SPINK1: variants seen among roughly 807,000 people sequenced by gnomAD.
The protein encoded by SPINK1 is serine peptidase inhibitor Kazal type 1, also known as serine protease inhibitor Kazal-type 1.
A neutral mutation model predicts 9.5 loss-of-function variants in SPINK1; 5 were observed. That is an observed-to-expected ratio of 0.52 (90% CI 0.27 to 1.10). The LOEUF (loss-of-function observed/expected upper bound fraction) is 1.10. Among genes scored for constraint, SPINK1 ranks in the 50% least tolerant of loss-of-function variants. The probability of loss-of-function intolerance (pLI) is 0.11; values close to 1 mark genes in which losing one functional copy is unlikely to be tolerated. For synonymous variants in SPINK1, 37 were observed against 32.3 expected (o/e 1.14, Z -0.49); for missense variants, 88 against 92.7 (o/e 0.95, Z 0.21).
At chr5:147,831,789 G>GAGCC (rs1756514010), upstream of SPINK1, 1 of 1,414,260 alleles carries the variant, frequency 7.1e-7, no homozygotes, top group African/African-American at 1.4e-5. Flanking sequence ...AAGGTGAAAG[G>GAGCC]AGCCAGGTGG....
At chr5:147,831,438 C>T (rs1756505866) in intron 1 of SPINK1, 85 bp downstream of exon 1, 3 of 1,533,870 alleles carry the variant, frequency 2.0e-6, no homozygotes, top group Non-Finnish European at 2.7e-6. Flanking sequence ...GACTAGACTA[C>T]ATCAAAAGTC....
chr5:147,836,851 A>G, the SPINK1 span, among the ~76,000 whole-genome samples: 2 of 152,156 alleles, frequency 1.3e-5, no homozygotes, highest in African/African-American at 2.4e-5. Context: ...TAGAACAGAA[A>G]CAGATGACAC....
chr5:147,838,905 C>T, the SPINK1 span, among the ~76,000 whole-genome samples: 1 of 152,086 alleles, frequency 6.6e-6, no homozygotes, highest in South Asian at 2.1e-4. Context: ...ATCTCATGGT[C>T]CTGAAGAGGG....
the SPINK1 span, among the ~76,000 whole-genome samples, chr5:147,838,236 G>GA: frequency 1.3e-5 from 2 of 152,156 alleles, no homozygotes; most frequent in African/African-American, 4.8e-5. Flanking sequence ...TTTACTGGAA[G>GA]AAAAAACAAA....
chr5:147,838,501 T>C, the SPINK1 span, among the ~76,000 whole-genome samples: 2 of 152,202 alleles, frequency 1.3e-5, no homozygotes, highest in Non-Finnish European at 2.9e-5. Flanking sequence ...CCAATTCATA[T>C]GATCTTTTTT....
chr5:147,825,566 C>T (rs566062217), intron 3 of SPINK1, among the ~76,000 whole-genome samples: 2 of 152,038 alleles, frequency 1.3e-5, no homozygotes, highest in South Asian at 4.2e-4. Flanking sequence ...CTCAGCCTCC[C>T]AAGTAGCTGG....
chr5:147,826,125 G>A (rs371475682), intron 3 of SPINK1, among the ~76,000 whole-genome samples: 1 of 152,108 alleles, frequency 6.6e-6, no homozygotes, highest in Admixed American at 6.5e-5. Context: ...TCCCTTTGAA[G>A]ACGTAGAAGG....
At chr5:147,829,966 C>T (rs1756480961) in intron 1 of SPINK1, among the ~76,000 whole-genome samples, 1 of 152,176 alleles carries the variant, frequency 6.6e-6, no homozygotes, top group Non-Finnish European at 1.5e-5. Flanking sequence ...CTTTTGAATA[C>T]TCACAAACAT....
At position 147,831,659 on chromosome 5, in the gene SPINK1, TC is replaced by T. The variant is rs1182311917; in HGVS notation, c.-83del. Reference sequence around the variant, plus strand: ...CTTCAGAAGCCTGGGACTGGAAGGGTCATATGGCAGATGGCAGCAAGGCCCC... The same window carrying T: ...CTTCAGAAGCCTGGGACTGGAAGGGTATATGGCAGATGGCAGCAAGGCCCC... On this transcript the variant is annotated 5_prime_UTR_variant, in exon 1 of 4. The change abolishes an upstream ATG in the 5' untranslated region. Transcript: ENST00000296695. 4.4e-6 allele frequency: 7 copies of T among 1,590,096 alleles called. No homozygotes were observed. The highest frequency in any genetic ancestry group is 6.0e-6 in the Non-Finnish European group (7 of 1,170,086).
the SPINK1 span, among the ~76,000 whole-genome samples, chr5:147,837,649 T>TTTTCTTTTC: frequency 9.3e-6 from 1 of 107,032 alleles, no homozygotes; most frequent in Non-Finnish European, 1.9e-5. Context: ...CATTAACTTC[T>TTTTCTTTTC]TTTCTTTCTT....
chr5:147,827,604 T>G (rs1258586656), intron 3 of SPINK1: 2 of 174,320 alleles, frequency 1.1e-5, no homozygotes, highest in African/African-American at 4.8e-5. Context: ...TCACATCACC[T>G]ACTTATGGTC....
At position 147,824,647 on chromosome 5, in the gene SPINK1, C is replaced by T; in HGVS notation, c.*14G>A. ...GCCTCGCGGTGACCTGATGGGATTT[C>T]AAAACCTTGGTTCTCAGCAAGGCCC... On this transcript the variant is annotated 3_prime_UTR_variant, in exon 4 of 4. Coordinates refer to ENST00000296695, the MANE Select transcript of SPINK1 (RefSeq NM_001379610.1). The T allele has an allele frequency of 6.2e-7, 1 of 1,613,888 alleles. No individual in the cohort carries two copies. The highest frequency in any genetic ancestry group is 8.5e-7 in the Non-Finnish European group (1 of 1,179,890).
chr5:147,838,935 C>T, the SPINK1 span, among the ~76,000 whole-genome samples: 2 of 152,124 alleles, frequency 1.3e-5, no homozygotes, highest in Admixed American at 1.3e-4. Context: ...GGATTGATGA[C>T]TTGATCTGCC....
At chr5:147,827,791 T>C (rs1756435275) in intron 3 of SPINK1, 1 of 414,126 alleles carries the variant, frequency 2.4e-6, no homozygotes. Flanking sequence ...TTTATAAAAA[T>C]CCAAGCTATC....
chr5:147,827,570 CTG>C (rs1756430620), intron 3 of SPINK1: 1 of 160,286 alleles, frequency 6.2e-6, no homozygotes. Flanking sequence ...GATAGGAAAT[CTG>C]TGTTGAATCT....
intron 2 of SPINK1, among the ~76,000 whole-genome samples, chr5:147,828,585 G>A (rs754416619): frequency 1.6e-4 from 25 of 152,116 alleles, no homozygotes; most frequent in South Asian, 6.2e-4. Flanking sequence ...AGGCATTGTC[G>A]GGTGTTGGAA....
chr5:147,831,715 G>A, upstream of SPINK1: 1 of 1,518,822 alleles, frequency 6.6e-7, no homozygotes, highest in South Asian at 1.2e-5. Context: ...AGATCTCCCT[G>A]GTTATTGATT....
At chr5:147,833,825 T>C (rs1053980315), upstream of SPINK1, among the ~76,000 whole-genome samples, 2 of 152,178 alleles carry the variant, frequency 1.3e-5, no homozygotes, top group Non-Finnish European at 2.9e-5. Flanking sequence ...AGAATTTAGG[T>C]CCTGTATGAC....
At chr5:147,828,963 G>T (rs1451127310) in intron 2 of SPINK1, among the ~76,000 whole-genome samples, 1 of 151,680 alleles carries the variant, frequency 6.6e-6, no homozygotes, top group East Asian at 1.9e-4. Context: ...TTTCTAACTA[G>T]GCTAAGTTCC....
Sources: gnomAD v4.1 joint callset for allele counts (sites outside exome capture counted in the v4.1 genomes callset) on GRCh38, gnomAD v4.1.1 for gene constraint, MANE v1.5 for transcripts, NCBI Gene and HGNC (gene_info 2026-07-23, HGNC 2026-07-21) for gene names.